KIF5C: variants seen among roughly 807,000 people sequenced by gnomAD.
KIF5C encodes the protein kinesin heavy chain isoform 5C.
Under a neutral mutation model 125.2 loss-of-function variants are expected in KIF5C, and 18 were observed. The ratio of observed to expected loss-of-function variants is 0.14; its 90% CI spans 0.10 to 0.21. KIF5C has a LOEUF of 0.21. Ranked by LOEUF, KIF5C falls within the 10% of genes least tolerant of loss-of-function variation. The probability of loss-of-function intolerance (pLI) is 1.00; values close to 1 mark genes in which losing one functional copy is unlikely to be tolerated. For missense variants in KIF5C, 780 were observed against 1,183.8 expected (o/e 0.66, Z 5.01); for synonymous variants, 405 against 434.0 (o/e 0.93, Z 0.83).
Position 149,002,845 on chromosome 2 carries a change from A to G in KIF5C, c.2373+2063A>G, listed in dbSNP as rs367567404. 1.2e-4 allele frequency among the ~76,000 whole-genome samples: 19 copies of G among 152,314 alleles called. No homozygotes were observed. In the East Asian group the frequency reaches 2.7e-3, roughly 22 times the overall value. On this transcript the variant is annotated intron_variant, in intron 21 of 25. Coordinates refer to ENST00000435030, the MANE Select transcript of KIF5C (RefSeq NM_004522.3). Reference sequence around the variant, plus strand: ...TCATACACTCAGGAGTGTGATATTTAAAGAATGTTTCATCAGCTCTTTTGC... The same window carrying G: ...TCATACACTCAGGAGTGTGATATTTGAAGAATGTTTCATCAGCTCTTTTGC...
At chr2:148,931,527 G>T (rs1452547010) in intron 3 of KIF5C, among the ~76,000 whole-genome samples, 2 of 152,172 alleles carry the variant, frequency 1.3e-5, no homozygotes, top group East Asian at 3.9e-4. Context: ...GCCAGGCGTG[G>T]TGGCGCACAT....
chr2:149,015,130 G>C (rs985562530), intron 25 of KIF5C, among the ~76,000 whole-genome samples: 6 of 152,228 alleles, frequency 3.9e-5, no homozygotes, highest in Admixed American at 3.9e-4. Flanking sequence ...AGAGGTTGCA[G>C]TGAGCCGAGA....
chr2:148,941,129 A>G (rs992290481), intron 4 of KIF5C, among the ~76,000 whole-genome samples: 4 of 152,188 alleles, frequency 2.6e-5, no homozygotes, highest in Admixed American at 1.3e-4. Flanking sequence ...AGAGCTGGCC[A>G]CCATTACCAG....
chr2:148,990,982 A>T (rs1384558247), intron 15 of KIF5C, 28 bp from the exon 16 acceptor site: 2 of 1,601,130 alleles, frequency 1.2e-6, no homozygotes, highest in Admixed American at 1.7e-5. Context: ...TGTGGGCAAC[A>T]TTTGAGTGTG....
chr2:148,998,712 C>T (rs1304918025), intron 19 of KIF5C: 3 of 848,900 alleles, frequency 3.5e-6, no homozygotes, highest in Non-Finnish European at 5.2e-6. Context: ...CCTGGCATGG[C>T]AGGTGGCAGG....
intron 1 of KIF5C, among the ~76,000 whole-genome samples, chr2:148,916,291 A>G (rs1237519188): frequency 6.6e-6 from 1 of 152,256 alleles, no homozygotes; most frequent in Non-Finnish European, 1.5e-5. Context: ...TGTACCAGAC[A>G]TGGCTCCTTG....
At chr2:149,014,486 G>A (rs532164634) in intron 25 of KIF5C, among the ~76,000 whole-genome samples, 2 of 152,312 alleles carry the variant, frequency 1.3e-5, no homozygotes, top group South Asian at 4.1e-4. Flanking sequence ...CCCTCTTACA[G>A]CTCTCAGGAT....
chr2:148,878,610 T>C (rs1002827953), intron 1 of KIF5C: 3 of 152,282 alleles, frequency 2.0e-5, no homozygotes. Flanking sequence ...ATCCTTCCCA[T>C]TCCTAATTGA....
At chr2:148,922,393 C>A (rs1681824407) in intron 2 of KIF5C, among the ~76,000 whole-genome samples, 166 bp downstream of exon 2, 1 of 152,190 alleles carries the variant, frequency 6.6e-6, no homozygotes, top group Non-Finnish European at 1.5e-5. Context: ...GCTATGATGT[C>A]AGGCAAATTA....
chr2:148,885,274 C>T (rs764027567), intron 1 of KIF5C, among the ~76,000 whole-genome samples: 74 of 152,202 alleles, frequency 4.9e-4, no homozygotes, highest in Non-Finnish European at 7.9e-4. Flanking sequence ...GCGTGAGCCA[C>T]CGTGCCCGGC....
intron 1 of KIF5C, among the ~76,000 whole-genome samples, chr2:148,911,715 A>G (rs1401267935): frequency 6.6e-6 from 1 of 152,140 alleles, no homozygotes; most frequent in East Asian, 1.9e-4. Flanking sequence ...ATTGGAAGGA[A>G]ATCTTGGATG....
rs1178770487 is a variant in KIF5C, at chr2:148,922,149, T to C, written c.139T>C (p.Tyr47His). Reference protein sequence around the residue: ...ETVVIGQGKPYVFDRVLPPNT... With the variant: ...ETVVIGQGKPHVFDRVLPPNT... The stretch of plus-strand genomic sequence containing the variant: ...CTTTCTTTTTTAGCAAGGGAAGCCA[T>C]ATGTCTTCGACAGAGTGCTACCTCC... Residue 47 changes from tyrosine (Y) to histidine (H), a missense_variant, in exon 2 of 26, where the codon TAT becomes CAT. Around this residue, in one of 2 missense-constraint regions of KIF5C, gnomAD observed 207 missense variants for 441.2 expected, o/e 0.47. Transcript: ENST00000435030. The C allele has an allele frequency of 2.5e-6, 4 of 1,607,636 alleles. No individual in the cohort carries two copies. Among genetic ancestry groups the C allele is most frequent in the Non-Finnish European group, 3.4e-6 (4 of 1,177,036 alleles).
At position 148,941,921 on chromosome 2, in the gene KIF5C, T is replaced by G. The variant is rs1286428481; in HGVS notation, c.446-14T>G. 2.5e-6 allele frequency: 4 copies of G among 1,607,790 alleles called. No homozygotes were observed. The highest frequency in any genetic ancestry group is 2.3e-5 in the South Asian group (2 of 88,478). On this transcript the variant is annotated splice_polypyrimidine_tract_variant and intron_variant, in intron 5 of 25. Transcript: ENST00000435030. ...TATTTTCTTCTTTGCCTGCTGTCAT[T>G]CTCATCTTTTTAGTATCCAAGACCA...
At chr2:148,960,674 T>G (rs936316753) in intron 10 of KIF5C, among the ~76,000 whole-genome samples, 2 of 152,234 alleles carry the variant, frequency 1.3e-5, no homozygotes, top group African/African-American at 4.8e-5. Flanking sequence ...TAGCAATGAA[T>G]TTTTGGAATG....
intron 10 of KIF5C, 82 bp downstream of exon 10, chr2:148,950,544 C>G: frequency 6.7e-7 from 1 of 1,497,278 alleles, no homozygotes; most frequent in South Asian, 1.3e-5. Context: ...TGCAATGGCT[C>G]ACACCTGTAA....
intron 21 of KIF5C, 38 bp from the exon 22 acceptor site, chr2:149,005,355 A>C: frequency 6.2e-7 from 1 of 1,605,410 alleles, no homozygotes; most frequent in Non-Finnish European, 8.5e-7. Context: ...AATTCAGTGA[A>C]TTGCTGCACT....
intron 10 of KIF5C, among the ~76,000 whole-genome samples, chr2:148,960,094 C>T (rs1365757781): frequency 6.6e-6 from 1 of 152,166 alleles, no homozygotes. Context: ...CTTCCAGGAC[C>T]CCGATTACTA....
At chr2:148,933,046 T>C (rs1287694243) in intron 3 of KIF5C, among the ~76,000 whole-genome samples, 1 of 152,150 alleles carries the variant, frequency 6.6e-6, no homozygotes, top group African/African-American at 2.4e-5. Flanking sequence ...AGAAACAAGG[T>C]GATGAGGCAG....
intron 1 of KIF5C, among the ~76,000 whole-genome samples, chr2:148,914,908 C>T (rs528459301): frequency 6.6e-6 from 1 of 152,304 alleles, no homozygotes; most frequent in Non-Finnish European, 1.5e-5. Context: ...ATCAGCATGG[C>T]CTTAGGGTCT....
Sources: gnomAD v4.1 joint callset for allele counts (sites outside exome capture counted in the v4.1 genomes callset) on GRCh38, gnomAD v4.1.1 for gene constraint, gnomAD v4.1.1 regional missense constraint, MANE v1.5 for transcripts, NCBI Gene and HGNC (gene_info 2026-07-23, HGNC 2026-07-21) for gene names.